RSRC1: variants seen among roughly 807,000 people sequenced by gnomAD.
RSRC1 encodes arginine and serine rich coiled-coil 1, also known as serine/Arginine-related protein 53.
In RSRC1, 39 loss-of-function variants were observed where a neutral mutation model predicts 49.1. The ratio of observed to expected loss-of-function variants is 0.79; its 90% CI spans 0.61 to 1.04. RSRC1 has a LOEUF of 1.04. Among genes scored for constraint, RSRC1 ranks in the 50% least tolerant of loss-of-function variants. RSRC1 has a pLI of 0.00. For missense variants in RSRC1, 388 were observed against 402.4 expected, an observed-to-expected ratio of 0.96 and a Z score of 0.31; for synonymous variants, 143 against 130.8, an observed-to-expected ratio of 1.09 and a Z score of -0.63.
At chr3:158,149,870 C>T (rs1314858551) in intron 3 of RSRC1, among the ~76,000 whole-genome samples, 1 of 152,118 alleles carries the variant, frequency 6.6e-6, no homozygotes, top group Non-Finnish European at 1.5e-5. Context: ...AAGCACTCAA[C>T]TGAGTGACAG....
At chr3:158,344,985 G>T (rs907018719) in intron 5 of RSRC1, among the ~76,000 whole-genome samples, 1 of 152,082 alleles carries the variant, frequency 6.6e-6, no homozygotes, top group African/African-American at 2.4e-5. Context: ...TTGGGAGGCC[G>T]AGGCTGGCGG....
intron 4 of RSRC1, among the ~76,000 whole-genome samples, chr3:158,234,729 A>G (rs1410667583): frequency 6.6e-6 from 1 of 152,098 alleles, no homozygotes; most frequent in African/African-American, 2.4e-5. Context: ...CTTTGTATAT[A>G]TTCTTCGAAC....
chr3:158,506,638 G>A (rs918870592), intron 7 of RSRC1, among the ~76,000 whole-genome samples: 9 of 151,638 alleles, frequency 5.9e-5, no homozygotes, highest in Admixed American at 1.3e-4. Flanking sequence ...ATCTCACCTC[G>A]GTTAAAATGG....
chr3:158,243,694 G>C (rs927868987), intron 4 of RSRC1, among the ~76,000 whole-genome samples: 1 of 152,094 alleles, frequency 6.6e-6, no homozygotes, highest in African/African-American at 2.4e-5. Flanking sequence ...TTTTCCATTT[G>C]TTTGTGTCAT....
chr3:158,248,859 A>G (rs1229232615), intron 4 of RSRC1, among the ~76,000 whole-genome samples: 2 of 151,704 alleles, frequency 1.3e-5, no homozygotes, highest in African/African-American at 4.9e-5. Context: ...AGCTTAGGTT[A>G]ACTTTTTAAG....
intron 3 of RSRC1, among the ~76,000 whole-genome samples, chr3:158,184,176 T>C (rs893374477): frequency 6.6e-6 from 1 of 152,096 alleles, no homozygotes; most frequent in African/African-American, 2.4e-5. Context: ...GATGCTCTTA[T>C]TCATTACTAG....
chr3:158,131,706 C>T (rs1362616973), intron 3 of RSRC1, among the ~76,000 whole-genome samples: 1 of 152,068 alleles, frequency 6.6e-6, no homozygotes, highest in African/African-American at 2.4e-5. Flanking sequence ...GTGAATGTGA[C>T]ATGAGGTAAT....
Position 158,192,116 on chromosome 3 carries a change from A to G in RSRC1, c.321-10956A>G, listed in dbSNP as rs188331039. Among the ~76,000 whole-genome samples, 4 of 152,122 alleles carry G rather than the reference A, an allele frequency of 2.6e-5. No individual in the cohort carries two copies. In the East Asian group the frequency reaches 7.7e-4, roughly 29 times the overall value. ...TTTTTGCTACTTGCAATCTATAAGCATGATTAAGAGGCATACAGTGTGAGG... is the reference window on the plus strand; with the variant it reads ...TTTTTGCTACTTGCAATCTATAAGCGTGATTAAGAGGCATACAGTGTGAGG... On this transcript the variant is annotated intron_variant, in intron 3 of 9. Coordinates refer to ENST00000611884, the MANE Select transcript of RSRC1 (RefSeq NM_001271838.2).
chr3:158,542,223 A>G (rs1241755203), intron 8 of RSRC1, among the ~76,000 whole-genome samples: 2 of 152,230 alleles, frequency 1.3e-5, no homozygotes, highest in Non-Finnish European at 2.9e-5. Flanking sequence ...ATGCTGCAAC[A>G]TGGATGAACC....
At chr3:158,134,304 C>T (rs1716223308) in intron 3 of RSRC1, among the ~76,000 whole-genome samples, 4 of 151,844 alleles carry the variant, frequency 2.6e-5, no homozygotes, top group African/African-American at 7.2e-5. Context: ...ATTATTATAC[C>T]GTGTATTTAT....
intron 5 of RSRC1, among the ~76,000 whole-genome samples, chr3:158,331,823 C>CTT (rs200224265): frequency 2.2e-5 from 3 of 133,980 alleles, no homozygotes; most frequent in Admixed American, 2.2e-4. Flanking sequence ...GTATAGTGGT[C>CTT]TTTTTTTTTT....
intron 4 of RSRC1, among the ~76,000 whole-genome samples, chr3:158,226,410 A>T (rs1282953764): frequency 1.3e-5 from 2 of 151,976 alleles, no homozygotes; most frequent in Non-Finnish European, 2.9e-5. Flanking sequence ...ATAGCTTAGT[A>T]ATCAGCATAA....
chr3:158,539,015 G>T lies in RSRC1; in HGVS notation c.759+1817G>T, dbSNP rs1346145938. Reference sequence around the variant, plus strand: ...CAAGAAGCTGAATTATTAATGAGGAGATTACTTAGCAAAAGGAGGTAAATT... The same window carrying T: ...CAAGAAGCTGAATTATTAATGAGGATATTACTTAGCAAAAGGAGGTAAATT... On this transcript the variant is annotated intron_variant, in intron 8 of 9. Coordinates refer to ENST00000611884, the MANE Select transcript of RSRC1 (RefSeq NM_001271838.2). The surrounding 1 kb of genome is among the most constrained non-coding windows in gnomAD (Gnocchi z 4.1). Among the ~76,000 whole-genome samples the T allele has an allele frequency of 6.6e-6, 1 of 151,912 alleles. No individual in the cohort carries two copies. Among genetic ancestry groups the T allele is most frequent in the Non-Finnish European group, 1.5e-5 (1 of 67,880 alleles).
At chr3:158,500,241 TC>T (rs1172908669) in intron 7 of RSRC1, among the ~76,000 whole-genome samples, 1 of 152,220 alleles carries the variant, frequency 6.6e-6, no homozygotes, top group African/African-American at 2.4e-5. Flanking sequence ...GGTTATCTTT[TC>T]AAAATGTTGT....
chr3:158,396,072 A>G (rs889408424), intron 6 of RSRC1, among the ~76,000 whole-genome samples: 1 of 152,152 alleles, frequency 6.6e-6, no homozygotes, highest in African/African-American at 2.4e-5. Flanking sequence ...TCCTAAGCAA[A>G]CAAATACAAG....
chr3:158,199,868 G>T (rs982514580), intron 3 of RSRC1, among the ~76,000 whole-genome samples: 1 of 152,110 alleles, frequency 6.6e-6, no homozygotes, highest in African/African-American at 2.4e-5. Context: ...TTTGGTCAGA[G>T]AAACATGTTC....
intron 4 of RSRC1, among the ~76,000 whole-genome samples, chr3:158,232,423 A>T (rs1723018455): frequency 6.6e-6 from 1 of 152,150 alleles, no homozygotes; most frequent in Non-Finnish European, 1.5e-5. Context: ...AAATTATAAG[A>T]AAAGCATGTT....
intron 4 of RSRC1, among the ~76,000 whole-genome samples, chr3:158,229,896 T>C (rs1446246333): frequency 6.6e-6 from 1 of 151,980 alleles, no homozygotes; most frequent in Non-Finnish European, 1.5e-5. Flanking sequence ...AGTACAATAA[T>C]CAAAATTAAG....
At chr3:158,261,140 C>G (rs528918060) in intron 4 of RSRC1, among the ~76,000 whole-genome samples, 135 of 152,320 alleles carry the variant, frequency 8.9e-4, no homozygotes, top group African/African-American at 2.9e-3. Flanking sequence ...ATTTGGCCAT[C>G]TTGCTCCGCC....
Sources: allele counts gnomAD v4.1 joint callset (sites outside exome capture counted in the v4.1 genomes callset), GRCh38; gene constraint gnomAD v4.1.1; non-coding constraint Gnocchi (gnomAD v3.1); transcripts MANE v1.5; gene names NCBI Gene and HGNC (gene_info 2026-07-23, HGNC 2026-07-21).